CCDC181: variants seen among roughly 807,000 people sequenced by gnomAD.
CCDC181 encodes the protein coiled-coil domain containing 181, also known as coiled-coil domain-containing protein 181.
CCDC181 carries 35 observed loss-of-function variants against 58.7 expected under a neutral mutation model. The observed-to-expected ratio is 0.60, with a 90% CI of 0.46 to 0.79. The LOEUF is 0.79. CCDC181 is among the 30% of genes least tolerant of loss of function. CCDC181 has a pLI of 0.00. For missense variants in CCDC181, 517 were observed against 583.9 expected, an observed-to-expected ratio of 0.89 and a Z score of 1.18; for synonymous variants, 183 against 197.5, an observed-to-expected ratio of 0.93 and a Z score of 0.62.
rs1488615999 is a variant in CCDC181 at position 169,397,878 on chromosome 1, G to C, written c.1216-487C>G. On this transcript the variant is annotated intron_variant, in intron 4 of 5. Transcript: ENST00000367806. The stretch of plus-strand genomic sequence containing the variant: ...AAAGTGTCACCTCATGTGGATTCCT[G>C]GCTAGAATGCAAAAGGAAAAGATAC... Among the ~76,000 whole-genome samples, 3 of 152,260 alleles carry C rather than the reference G, an allele frequency of 2.0e-5. No homozygotes were observed. The East Asian group carries it at 5.8e-4, about 29-fold the overall frequency.
At position 169,417,266 on chromosome 1, in the gene CCDC181, A is replaced by G. The variant is rs566895731; in HGVS notation, c.1215+1747T>C. Reference sequence around the variant, plus strand: ...CACTTCAGATATCAATCAAAAGCCTAGATTGTGACCAGAGCTTCTGTCTGA... The same window carrying G: ...CACTTCAGATATCAATCAAAAGCCTGGATTGTGACCAGAGCTTCTGTCTGA... On this transcript the variant is annotated intron_variant, in intron 4 of 5. Transcript: ENST00000367806. Among the ~76,000 whole-genome samples, 59 of 152,218 alleles carry G rather than the reference A, an allele frequency of 3.9e-4. 1 individual carries two copies. Among genetic ancestry groups the G allele is most frequent in the Admixed American group, 7.2e-4 (11 of 15,280 alleles).
chr1:169,420,858 C>T (rs576225871), intron 3 of CCDC181, among the ~76,000 whole-genome samples: 3 of 152,062 alleles, frequency 2.0e-5, no homozygotes, highest in Admixed American at 6.5e-5. Flanking sequence ...GGAGACATTT[C>T]GTTAAGAATA....
At chr1:169,443,565 T>C (rs1657291236) in intron 2 of CCDC181, among the ~76,000 whole-genome samples, 2 of 152,164 alleles carry the variant, frequency 1.3e-5, no homozygotes, top group South Asian at 4.1e-4. Flanking sequence ...AATTACTCCT[T>C]GAAAATATCT....
intron 1 of CCDC181, among the ~76,000 whole-genome samples, chr1:169,425,630 A>C (rs910473483): frequency 6.6e-6 from 1 of 152,116 alleles, no homozygotes; most frequent in African/African-American, 2.4e-5. Flanking sequence ...ATTATATCTA[A>C]CTACCTACCA....
chr1:169,435,811 AT>A (rs1557876936), intron 2 of CCDC181, among the ~76,000 whole-genome samples: 1 of 152,334 alleles, frequency 6.6e-6, no homozygotes, highest in South Asian at 2.1e-4. Context: ...ATTATCAAAC[AT>A]TTTTTAACTT....
intron 4 of CCDC181, among the ~76,000 whole-genome samples, chr1:169,417,507 C>T (rs111234772): frequency 6.6e-6 from 1 of 152,090 alleles, no homozygotes; most frequent in East Asian, 1.9e-4. Flanking sequence ...CACCACCCCC[C>T]CAACACCACA....
intron 4 of CCDC181, chr1:169,418,768 C>A: frequency 4.2e-6 from 2 of 473,252 alleles, no homozygotes; most frequent in Non-Finnish European, 3.7e-6. Flanking sequence ...CTTGAAAAAA[C>A]GAATTGATAG....
chr1:169,405,552 G>A (rs982502116), intron 4 of CCDC181, among the ~76,000 whole-genome samples: 13 of 152,116 alleles, frequency 8.5e-5, no homozygotes, highest in East Asian at 1.9e-4. Flanking sequence ...AACAAGAAAC[G>A]GCGGAAGGAT....
intron 5 of CCDC181, among the ~76,000 whole-genome samples, chr1:169,397,000 G>A (rs1404217483): frequency 6.6e-6 from 1 of 151,410 alleles, no homozygotes; most frequent in African/African-American, 2.4e-5. Flanking sequence ...TTTAAGTATT[G>A]AAAAGTATCT....
chr1:169,407,165 G>A (rs1655709565), intron 4 of CCDC181, among the ~76,000 whole-genome samples: 1 of 151,580 alleles, frequency 6.6e-6, no homozygotes, highest in Admixed American at 6.6e-5. Flanking sequence ...CCCAGGTTAG[G>A]TAAATTCAAA....
At chr1:169,458,564 A>G (rs1184457853) in intron 2 of CCDC181, among the ~76,000 whole-genome samples, 1 of 152,180 alleles carries the variant, frequency 6.6e-6, no homozygotes, top group East Asian at 1.9e-4. Context: ...TGTGTTCACC[A>G]ATTTGGAAGC....
intron 2 of CCDC181, among the ~76,000 whole-genome samples, chr1:169,437,807 G>A (rs1234846064): frequency 6.6e-6 from 1 of 152,188 alleles, no homozygotes; most frequent in African/African-American, 2.4e-5. Flanking sequence ...TAAAGGAACA[G>A]TGTACTATAA....
intron 4 of CCDC181, among the ~76,000 whole-genome samples, chr1:169,408,766 C>CA (rs897491575): frequency 9.9e-5 from 15 of 152,192 alleles, no homozygotes; most frequent in Non-Finnish European, 1.5e-5. Context: ...GGACCTCCAG[C>CA]AAACTCCAGC....
intron 4 of CCDC181, among the ~76,000 whole-genome samples, chr1:169,413,662 T>G (rs1403752535): frequency 2.6e-5 from 4 of 152,064 alleles, no homozygotes; most frequent in African/African-American, 9.7e-5. Context: ...AATGTGGCAG[T>G]TATATACCAT....
chr1:169,459,447 C>T (rs6700375), intron 2 of CCDC181, among the ~76,000 whole-genome samples: 110,263 of 152,126 alleles, frequency 0.72, 40,139 homozygotes, highest in East Asian at 0.94. Flanking sequence ...GCTGGAATCC[C>T]TTCATCATTA....
chr1:169,452,103 G>T (rs1460259130), intron 2 of CCDC181, among the ~76,000 whole-genome samples: 1 of 149,234 alleles, frequency 6.7e-6, no homozygotes, highest in African/African-American at 2.5e-5. Flanking sequence ...ATGTAGATGA[G>T]AAGAAAAAAA....
Position 169,419,854 on chromosome 1 carries a change from A to G in CCDC181, c.1069-695T>C, listed in dbSNP as rs542539479. 2.0e-5 allele frequency among the ~76,000 whole-genome samples: 3 copies of G among 152,318 alleles called. No individual in the cohort carries two copies. The East Asian group carries it at 5.8e-4, about 29-fold the overall frequency. On this transcript the variant is annotated intron_variant, in intron 3 of 5. Transcript: ENST00000367806. The stretch of plus-strand genomic sequence containing the variant: ...AAGAGAACACTGAAATGATGCACTT[A>G]GGTTAGAAAGACAGAGTATAGCAGC...
In CCDC181 at chr1:169,418,997, GAGA is replaced by G. The variant is rs756291001; in HGVS notation, c.1215+13_1215+15del. ...CATATCTGTATGAACTTATTTTTCA[GAGA>G]AGTTTTACTTACTCTACTGTTCATG... On this transcript the variant is annotated intron_variant, in intron 4 of 5. Coordinates refer to ENST00000367806, the MANE Select transcript of CCDC181 (RefSeq NM_001300969.2). The G allele has an allele frequency of 2.6e-5, 41 of 1,594,150 alleles. No homozygotes were observed. Among genetic ancestry groups the G allele is most frequent in the Non-Finnish European group, 3.0e-5 (35 of 1,164,004 alleles).
intron 4 of CCDC181, among the ~76,000 whole-genome samples, chr1:169,398,380 G>A (rs1044015917): frequency 2.0e-5 from 3 of 152,122 alleles, no homozygotes; most frequent in South Asian, 2.1e-4. Context: ...ACATCACACT[G>A]TACTCCATAA....
Sources: allele counts gnomAD v4.1 joint callset (sites outside exome capture counted in the v4.1 genomes callset), GRCh38; gene constraint gnomAD v4.1.1; transcripts MANE v1.5; gene names NCBI Gene and HGNC (gene_info 2026-07-23, HGNC 2026-07-21).